The following TRAF3IP2 variants were observed in gnomAD, a reference collection of about 807,000 sequenced individuals.
TRAF3IP2 encodes the protein TRAF3 interacting protein 2, also known as E3 ubiquitin ligase TRAF3IP2.
TRAF3IP2 carries 35 observed loss-of-function variants against 57.9 expected under a neutral mutation model. The observed-to-expected ratio is 0.60, with a 90% confidence interval of 0.46 to 0.80. The LOEUF (loss-of-function observed/expected upper bound fraction) is 0.80, where lower values mean the gene tolerates loss of function less well. Ranked by LOEUF, TRAF3IP2 falls within the 30% of genes least tolerant of loss-of-function variation. The probability of loss-of-function intolerance (pLI) is 0.00; values close to 1 mark genes in which losing one functional copy is unlikely to be tolerated. For synonymous variants in TRAF3IP2, 251 were observed against 268.9 expected, an observed-to-expected ratio of 0.93 and a Z score of 0.65; for missense variants, 556 against 706.4, an observed-to-expected ratio of 0.79 and a Z score of 2.41.
Position 111,559,242 on chromosome 6 carries a change from C to T in TRAF3IP2, c.*163G>A, listed in dbSNP as rs958672956. On this transcript the variant is annotated 3_prime_UTR_variant, in exon 9 of 9. Transcript: ENST00000368761. ...CAAAGCCAGGGTGTGTGGAGGTCTC[C>T]GGGGAAGAGCTCTGCACAACAGGTT... 10 of 915,894 alleles carry T rather than the reference C, an allele frequency of 1.1e-5. No homozygotes were observed. The highest frequency in any genetic ancestry group is 5.2e-5 in the Admixed American group (2 of 38,238). The allele number at this position is 915,894 out of a possible 1,614,324, so 56.7% of individuals were successfully genotyped here.
At chr6:111,604,400 C>A (rs746419849) in intron 1 of TRAF3IP2, among the ~76,000 whole-genome samples, 2 of 152,244 alleles carry the variant, frequency 1.3e-5, no homozygotes, top group Non-Finnish European at 2.9e-5. Flanking sequence ...GGAGTGGTTT[C>A]CAGGTCCAGC....
rs1400571367 is a variant in TRAF3IP2 at position 111,599,253 on chromosome 6, T to C, written c.-9+6523A>G. ...TGGACTCTCATCACCGTTTGGACTG[T>C]GAGCTGTGGTTCTAGCTCTTGGATC... On this transcript the variant is annotated intron_variant, in intron 1 of 8. Coordinates refer to ENST00000368761, the MANE Select transcript of TRAF3IP2 (RefSeq NM_147686.4). 3.3e-5 allele frequency among the ~76,000 whole-genome samples: 5 copies of C among 152,094 alleles called. No homozygotes were observed. The East Asian group carries it at 5.8e-4, about 18-fold the overall frequency.
intron 1 of TRAF3IP2, among the ~76,000 whole-genome samples, chr6:111,604,484 T>G (rs1796963199): frequency 6.6e-6 from 1 of 152,312 alleles, no homozygotes; most frequent in East Asian, 1.9e-4. Context: ...CTGTGGACAA[T>G]AGCACAGACT....
chr6:111,596,411 G>C (rs1469725128), intron 1 of TRAF3IP2, among the ~76,000 whole-genome samples: 1 of 152,068 alleles, frequency 6.6e-6, no homozygotes, highest in African/African-American at 2.4e-5. Flanking sequence ...TCCCACCTCA[G>C]TCTCCCAAGT....
rs1562423391 is a variant in TRAF3IP2 at position 111,573,076 on chromosome 6, A to G, written c.1202-93T>C. Reference sequence around the variant, plus strand: ...TATATGCAATATCTTTTGTCCTTCTAGAATAATAAGAGGAAACCTTGGGCT... The same window carrying G: ...TATATGCAATATCTTTTGTCCTTCTGGAATAATAAGAGGAAACCTTGGGCT... On this transcript the variant is annotated intron_variant, in intron 4 of 8. Transcript: ENST00000368761. 1.7e-5 allele frequency: 17 copies of G among 1,016,080 alleles called. 1 individual carries two copies. The South Asian group carries it at 2.1e-4, about 12-fold the overall frequency. The allele number at this position is 1,016,080 out of a possible 1,614,324, so 62.9% of individuals were successfully genotyped here.
intron 1 of TRAF3IP2, among the ~76,000 whole-genome samples, chr6:111,604,602 C>T (rs1300832124): frequency 1.3e-5 from 2 of 152,246 alleles, no homozygotes; most frequent in Non-Finnish European, 2.9e-5. Flanking sequence ...GCAGCCCTCC[C>T]GCAGAGACAC....
In TRAF3IP2 at chr6:111,559,497, T is replaced by G; in HGVS notation, c.1606A>C (p.Lys536Gln). The G allele has an allele frequency of 6.2e-7, 1 of 1,614,168 alleles. No individual in the cohort carries two copies. The highest frequency in any genetic ancestry group is 8.5e-7 in the Non-Finnish European group (1 of 1,180,030). The change falls in exon 9 of 9, where the codon AAA (lysine) becomes CAA (glutamine). Residue 536 changes from lysine to glutamine, a missense_variant. Lys to Gln is a moderately conservative substitution (Grantham distance 53). This residue lies in a region of TRAF3IP2 where 128 missense variants were observed against 207.7 expected (regional missense o/e 0.62). Coordinates refer to ENST00000368761, the MANE Select transcript of TRAF3IP2 (RefSeq NM_147686.4). The stretch of plus-strand genomic sequence containing the variant: ...AGCAGCCGCAGCAGGATGTTTTTTT[T>G]ATTCTTGGGCCAGCTGTAGACATGA... The part of the protein sequence containing the change: ...NTHVYSWPKN[K>Q]KNILLRLLRE...
Position 111,595,662 on chromosome 6 carries a change from T to C in TRAF3IP2, c.-8-3568A>G, listed in dbSNP as rs1406637330. On this transcript the variant is annotated intron_variant, in intron 1 of 8. Transcript: ENST00000368761. ...GGCCAACATGGTGAAACCCCGCCTC[T>C]ACTAAAAATACAAAAATTAGCCGGG... is the stretch of plus-strand genomic sequence containing the variant. Among the ~76,000 whole-genome samples the C allele has an allele frequency of 4.6e-5, 7 of 152,092 alleles. No individual in the cohort carries two copies. The East Asian group carries it at 1.4e-3, about 29-fold the overall frequency.
rs1046449796 is a variant in TRAF3IP2, at chr6:111,558,478, G to A, written c.*927C>T. ...GACGGAGTCTCGCTCTGTCTCCCAAGCTAGAGTGCAGTGACATGATCTCGG... is the reference window on the plus strand; with the variant it reads ...GACGGAGTCTCGCTCTGTCTCCCAAACTAGAGTGCAGTGACATGATCTCGG... On this transcript the variant is annotated 3_prime_UTR_variant, in exon 9 of 9. Transcript: ENST00000368761. 1.3e-5 allele frequency: 2 copies of A among 152,282 alleles called. No individual in the cohort carries two copies. The highest frequency in any genetic ancestry group is 4.8e-5 in the African/African-American group (2 of 41,472). The allele number at this position is 152,282 out of a possible 1,614,324, so 9.4% of individuals were successfully genotyped here. A position where few individuals can be genotyped will look rare whatever the true frequency, so the allele number is the denominator to read the frequency against.
intron 2 of TRAF3IP2, among the ~76,000 whole-genome samples, chr6:111,590,496 T>C (rs1295153067): frequency 6.6e-6 from 1 of 152,176 alleles, no homozygotes; most frequent in African/African-American, 2.4e-5. Flanking sequence ...ATTTTTTATT[T>C]AAAATGGGTT....
chr6:111,594,613 T>C, intron 1 of TRAF3IP2: 1 of 397,374 alleles, frequency 2.5e-6, no homozygotes, highest in East Asian at 8.0e-5. Context: ...GTGGGAATTC[T>C]TCAGTTAAAA....
chr6:111,596,953 G>A (rs1442244143), intron 1 of TRAF3IP2, among the ~76,000 whole-genome samples: 1 of 152,162 alleles, frequency 6.6e-6, no homozygotes, highest in Non-Finnish European at 1.5e-5. Context: ...ACCTAGAACT[G>A]CACCTGGCAC....
At chr6:111,560,878 G>T (rs1345503622) in intron 8 of TRAF3IP2, among the ~76,000 whole-genome samples, 1 of 152,128 alleles carries the variant, frequency 6.6e-6, no homozygotes, top group Non-Finnish European at 1.5e-5. Context: ...AAATATATCA[G>T]CATGAAGGTA....
At chr6:111,576,567 T>G (rs1004813716) in intron 3 of TRAF3IP2, 1 of 152,326 alleles carries the variant, frequency 6.6e-6, no homozygotes, top group Non-Finnish European at 1.5e-5. Flanking sequence ...TGGGCATCTA[T>G]TGTTCACCAG....
chr6:111,568,042 A>C (rs1267035793), intron 5 of TRAF3IP2, among the ~76,000 whole-genome samples: 2 of 152,220 alleles, frequency 1.3e-5, no homozygotes, highest in African/African-American at 2.4e-5. Flanking sequence ...ATATATCTGT[A>C]ATTTAGACAT....
At chr6:111,572,479 G>T (rs1283920765) in intron 5 of TRAF3IP2, among the ~76,000 whole-genome samples, 1 of 152,210 alleles carries the variant, frequency 6.6e-6, no homozygotes, top group Non-Finnish European at 1.5e-5. Context: ...AGAACAAAAG[G>T]TCCTTGTTAA....
rs570542595 is a variant in TRAF3IP2, at chr6:111,597,989, C to A, written c.-8-5895G>T. ...ACTCCTCAGGGGAACAGGAGACCTG[C>A]CAACTAGGACCCTGGGAGCCCCCAT... On this transcript the variant is annotated intron_variant, in intron 1 of 8. Transcript: ENST00000368761. 4.4e-5 allele frequency: 19 copies of A among 434,810 alleles called. No individual in the cohort carries two copies. The East Asian group carries it at 5.6e-4, about 13-fold the overall frequency. 26.9% of individuals were successfully genotyped at this position (434,810 alleles called of 1,614,324 possible).
intron 7 of TRAF3IP2, among the ~76,000 whole-genome samples, chr6:111,565,594 C>T (rs1795610316): frequency 6.6e-6 from 1 of 152,086 alleles, no homozygotes; most frequent in African/African-American, 2.4e-5. Flanking sequence ...AAGTGTAGCA[C>T]CGCCTCCTAG....
chr6:111,562,743 G>T (rs983002089), intron 8 of TRAF3IP2, among the ~76,000 whole-genome samples: 2 of 151,876 alleles, frequency 1.3e-5, no homozygotes, highest in African/African-American at 4.8e-5. Context: ...TACTTGGGAA[G>T]CTGAAGCAGG....
Sources: allele counts gnomAD v4.1 joint callset (sites outside exome capture counted in the v4.1 genomes callset), GRCh38; gene constraint gnomAD v4.1.1; regional missense constraint gnomAD v4.1.1; transcripts MANE v1.5; gene names NCBI Gene and HGNC (gene_info 2026-07-23, HGNC 2026-07-21).